DYNC2H1: variants seen among roughly 807,000 people sequenced by gnomAD.
The protein encoded by DYNC2H1 is dynein cytoplasmic 2 heavy chain 1, also known as cytoplasmic dynein 2 heavy chain 1.
A neutral mutation model predicts 570.0 loss-of-function variants in DYNC2H1; 410 were observed. The ratio of observed to expected loss-of-function variants is 0.72; its 90% confidence interval spans 0.66 to 0.78. DYNC2H1 has a LOEUF of 0.78. Among genes scored for constraint, DYNC2H1 ranks in the 30% least tolerant of loss-of-function variants. The pLI is 0.00. For synonymous variants in DYNC2H1, 1,688 were observed against 1,677.6 expected (o/e 1.01, Z -0.15); for missense variants, 4,865 against 5,046.4 (o/e 0.96, Z 1.09).
At chr11:103,344,921 C>T (rs1177563551) in intron 82 of DYNC2H1, among the ~76,000 whole-genome samples, 1 of 152,154 alleles carries the variant, frequency 6.6e-6, no homozygotes, top group Non-Finnish European at 1.5e-5. Flanking sequence ...ATGTGATTTT[C>T]TTCTATCCAG....
intron 17 of DYNC2H1, among the ~76,000 whole-genome samples, chr11:103,136,310 G>T: frequency 6.6e-6 from 1 of 151,416 alleles, no homozygotes; most frequent in Admixed American, 6.6e-5. Context: ...GTGCCATGCT[G>T]GTGTGCTGCA....
chr11:103,366,153 G>A (rs313378), intron 83 of DYNC2H1, among the ~76,000 whole-genome samples: 49,950 of 152,144 alleles, frequency 0.33, 9,990 homozygotes, highest in Non-Finnish European at 0.44. Context: ...TCATCTTTTG[G>A]TTGGAACATT....
chr11:103,125,363 A>G lies in DYNC2H1; in HGVS notation c.1857+68A>G, dbSNP rs1858937753. 6.2e-5 allele frequency: 66 copies of G among 1,073,068 alleles called. No individual in the cohort carries two copies. In the South Asian group the frequency reaches 1.2e-3, roughly 19 times the overall value. The allele number at this position is 1,073,068 out of a possible 1,614,324, so 66.5% of individuals were successfully genotyped here. A position where few individuals can be genotyped will look rare whatever the true frequency, so the allele number is the denominator to read the frequency against. ...ATTACGTTAAACTAGAATATGCTAAAGGCTTTTTTTTTTTTTTTTTTTAGG... is the reference window on the plus strand; with the variant it reads ...ATTACGTTAAACTAGAATATGCTAAGGGCTTTTTTTTTTTTTTTTTTTAGG... On this transcript the variant is annotated intron_variant, in intron 12 of 88. Transcript: ENST00000375735.
At chr11:103,355,003 T>C (rs1181994861) in intron 82 of DYNC2H1, among the ~76,000 whole-genome samples, 1 of 152,102 alleles carries the variant, frequency 6.6e-6, no homozygotes, top group African/African-American at 2.4e-5. Context: ...TAGTAATAAC[T>C]CTGAATAGGC....
In DYNC2H1 at chr11:103,177,909, C is replaced by T. The variant is rs567081885; in HGVS notation, c.6139+89C>T. The T allele has an allele frequency of 1.5e-4, 206 of 1,384,184 alleles. No homozygotes were observed. The African/African-American group carries it at 2.9e-3, about 20-fold the overall frequency. The allele number at this position is 1,384,184 out of a possible 1,614,324, so 85.7% of individuals were successfully genotyped here. ...TATAATGCTGTCTTTGTCAAGACTT[C>T]TACATGACCATAAAGTCATAATTAA... On this transcript the variant is annotated intron_variant, in intron 38 of 88. Coordinates refer to ENST00000375735, the MANE Select transcript of DYNC2H1 (RefSeq NM_001377.3). The surrounding 1 kb of genome is among the most constrained non-coding windows in gnomAD (Gnocchi z 4.4).
intron 83 of DYNC2H1, among the ~76,000 whole-genome samples, chr11:103,387,612 T>C (rs1941944253): frequency 6.6e-6 from 1 of 152,226 alleles, no homozygotes; most frequent in Non-Finnish European, 1.5e-5. Context: ...CTAGGTTTTC[T>C]TCTAGGGTTT....
intron 82 of DYNC2H1, among the ~76,000 whole-genome samples, chr11:103,344,769 CACTT>C (rs1222774320): frequency 3.9e-5 from 6 of 152,096 alleles, no homozygotes; most frequent in South Asian, 2.1e-4. Context: ...CAAAATATAA[CACTT>C]AATATATACA....
At chr11:103,140,279 G>A (rs574278726) in intron 17 of DYNC2H1, among the ~76,000 whole-genome samples, 50 of 152,166 alleles carry the variant, frequency 3.3e-4, no homozygotes, top group African/African-American at 1.0e-3. Flanking sequence ...TATTTTGCTC[G>A]TTAGTTGATG....
rs186582288 is a variant in DYNC2H1, at chr11:103,312,132, G to A, written c.11649+99G>A. ...ATGGTGGCTCATGCCTGTAATCCCA[G>A]TACTGTGGGAGGCCAAGGTGGGCGG... is the stretch of plus-strand genomic sequence containing the variant. On this transcript the variant is annotated intron_variant, in intron 79 of 88. Transcript: ENST00000375735. The A allele has an allele frequency of 1.7e-5, 22 of 1,306,570 alleles. No homozygotes were observed. The Admixed American group carries it at 3.2e-4, about 19-fold the overall frequency. 80.9% of individuals were successfully genotyped at this position (1,306,570 alleles called of 1,614,324 possible).
rs1451402717 is a variant in DYNC2H1, at chr11:103,261,791, T to C, written c.10695+1814T>C. Among the ~76,000 whole-genome samples the C allele has an allele frequency of 2.0e-5, 3 of 152,178 alleles. No individual in the cohort carries two copies. The highest frequency in any genetic ancestry group is 2.9e-5 in the Non-Finnish European group (2 of 68,038). ...ATTCCAAAAACCAGAATGCCTCTTT[T>C]TCTCCAAAGGATCACAACTCCTTGC... On this transcript the variant is annotated intron_variant, in intron 70 of 88. Transcript: ENST00000375735. The surrounding 1 kb of genome is among the most constrained non-coding windows in gnomAD (Gnocchi z 4.8).
chr11:103,129,122 C>A lies in DYNC2H1; in HGVS notation c.1953+117C>A. On this transcript the variant is annotated intron_variant, in intron 13 of 88. Coordinates refer to ENST00000375735, the MANE Select transcript of DYNC2H1 (RefSeq NM_001377.3). This position sits in a 1 kb window ranked among gnomAD's most constrained non-coding sequence, Gnocchi z 4.1. ...AAATGATCTAGATTTTGTTTTGCTT[C>A]CAGGGACTTCCTTCAATCTTAGCAA... is the stretch of plus-strand genomic sequence containing the variant. 1 of 767,238 alleles carries A rather than the reference C, an allele frequency of 1.3e-6. No homozygotes were observed. Among genetic ancestry groups the A allele is most frequent in the Non-Finnish European group, 2.0e-6 (1 of 496,546 alleles). The allele number at this position is 767,238 out of a possible 1,614,324, so 47.5% of individuals were successfully genotyped here. A position where few individuals can be genotyped will look rare whatever the true frequency, so the allele number is the denominator to read the frequency against.
chr11:103,316,942 A>G (rs1160049213), intron 80 of DYNC2H1, among the ~76,000 whole-genome samples: 1 of 152,126 alleles, frequency 6.6e-6, no homozygotes, highest in Non-Finnish European at 1.5e-5. Flanking sequence ...ATAGCAGACT[A>G]AGATTAGTAC....
At position 103,277,866 on chromosome 11, in the gene DYNC2H1, A is replaced by G. The variant is rs912723796; in HGVS notation, c.10696-2482A>G. ...TTTCTTTTCCCCAGATTCCAGGTAT[A>G]TTTGTTGCTTCTTGTGAGCATGGGC... On this transcript the variant is annotated intron_variant, in intron 70 of 88. Transcript: ENST00000375735. The surrounding 1 kb of genome is among the most constrained non-coding windows in gnomAD (Gnocchi z 4.3). Among the ~76,000 whole-genome samples, 1 of 152,062 alleles carries G rather than the reference A, an allele frequency of 6.6e-6. No individual in the cohort carries two copies. Among genetic ancestry groups the G allele is most frequent in the African/African-American group, 2.4e-5 (1 of 41,410 alleles).
At chr11:103,424,932 A>T (rs1300451546) in intron 84 of DYNC2H1, among the ~76,000 whole-genome samples, 1 of 152,076 alleles carries the variant, frequency 6.6e-6, no homozygotes, top group Non-Finnish European at 1.5e-5. Flanking sequence ...TCTTGAACAC[A>T]GATTTCTTGT....
chr11:103,411,439 C>T (rs980268660), intron 84 of DYNC2H1, among the ~76,000 whole-genome samples: 1 of 147,768 alleles, frequency 6.8e-6, no homozygotes, highest in Non-Finnish European at 1.5e-5. Flanking sequence ...GAGGGGTAGC[C>T]GTTGAGGTAC....
chr11:103,311,614 A>G (rs1462760913), intron 78 of DYNC2H1, among the ~76,000 whole-genome samples: 1 of 152,066 alleles, frequency 6.6e-6, no homozygotes. Flanking sequence ...CAATCATCCT[A>G]TAAAACTTAT....
chr11:103,389,154 C>G (rs557477182), intron 83 of DYNC2H1, among the ~76,000 whole-genome samples: 1 of 152,256 alleles, frequency 6.6e-6, no homozygotes, highest in African/African-American at 2.4e-5. Flanking sequence ...GGTTGGCAAG[C>G]TATGAACTAT....
chr11:103,350,023 A>T (rs940731014), intron 82 of DYNC2H1, among the ~76,000 whole-genome samples: 1 of 152,076 alleles, frequency 6.6e-6, no homozygotes, highest in Non-Finnish European at 1.5e-5. Flanking sequence ...ACATGTTGGT[A>T]TGTAGTTTTG....
At chr11:103,255,006 C>T (rs1460556578) in intron 66 of DYNC2H1, among the ~76,000 whole-genome samples, 2 of 151,818 alleles carry the variant, frequency 1.3e-5, no homozygotes, top group Admixed American at 6.6e-5. Flanking sequence ...CTCCTTACCT[C>T]GTGATCCACC....
Sources: allele counts gnomAD v4.1 joint callset (sites outside exome capture counted in the v4.1 genomes callset), GRCh38; gene constraint gnomAD v4.1.1; non-coding constraint Gnocchi (gnomAD v3.1); transcripts MANE v1.5; gene names NCBI Gene and HGNC (gene_info 2026-07-23, HGNC 2026-07-21).